SORCS2: variants seen among roughly 807,000 people sequenced by gnomAD.
SORCS2 encodes sortilin related VPS10 domain containing receptor 2.
Under a neutral mutation model 141.6 loss-of-function variants are expected in SORCS2, and 100 were observed. The ratio of observed to expected loss-of-function variants is 0.71; its 90% CI spans 0.60 to 0.83. The LOEUF (loss-of-function observed/expected upper bound fraction) is 0.83, where lower values mean the gene tolerates loss of function less well. SORCS2 is among the 40% of genes least tolerant of loss of function. The pLI, the probability that SORCS2 is intolerant of heterozygous loss-of-function variation, is 0.00. For synonymous variants in SORCS2, 789 were observed against 676.9 expected (o/e 1.17, Z -2.57); for missense variants, 1,646 against 1,560.2 (o/e 1.05, Z -0.93).
At chr4:7,666,078 T>C (rs547273751) in intron 7 of SORCS2, among the ~76,000 whole-genome samples, 23 of 152,002 alleles carry the variant, frequency 1.5e-4, no homozygotes, top group African/African-American at 5.5e-4. Context: ...CCTGCTAGGA[T>C]TGGGCATCTC....
intron 3 of SORCS2, among the ~76,000 whole-genome samples, chr4:7,578,692 A>G (rs775852615): frequency 6.6e-5 from 10 of 152,202 alleles, no homozygotes; most frequent in Non-Finnish European, 5.9e-5. Flanking sequence ...TTCCAGTTTC[A>G]TGACAGGCTT....
At chr4:7,675,808 C>T (rs1308827855) in intron 8 of SORCS2, among the ~76,000 whole-genome samples, 2 of 152,294 alleles carry the variant, frequency 1.3e-5, no homozygotes, top group East Asian at 1.9e-4. Flanking sequence ...CATAACCCGG[C>T]GTAGAGCATC....
chr4:7,416,746 A>C (rs1006625448), intron 2 of SORCS2, among the ~76,000 whole-genome samples: 2 of 151,168 alleles, frequency 1.3e-5, no homozygotes, highest in African/African-American at 2.4e-5. Flanking sequence ...ATGCACACAC[A>C]CTTGTGCGCA....
chr4:7,386,441 A>G (rs1193436697), intron 1 of SORCS2, among the ~76,000 whole-genome samples: 2 of 98,872 alleles, frequency 2.0e-5, no homozygotes, highest in East Asian at 3.4e-4. Flanking sequence ...ACAGGTACAC[A>G]GAGATACACA....
In SORCS2 at chr4:7,351,019, C is replaced by T. The variant is rs138955307; in HGVS notation, c.481-45269C>T. On this transcript the variant is annotated intron_variant, in intron 1 of 26. Transcript: ENST00000507866. ...GCTGTCGAAAGCTGGTGTTTACAAA[C>T]CAGGCTGCCCATATTGTCCCACTGT... Among the ~76,000 whole-genome samples, 704 of 152,286 alleles carry T rather than the reference C, an allele frequency of 4.6e-3. 4 individuals carry two copies. Among genetic ancestry groups the T allele is most frequent in the South Asian group, 0.017 (81 of 4,824 alleles).
At chr4:7,503,396 A>C (rs1006522585) in intron 2 of SORCS2, among the ~76,000 whole-genome samples, 1 of 152,220 alleles carries the variant, frequency 6.6e-6, no homozygotes, top group African/African-American at 2.4e-5. Flanking sequence ...CGTCTGCTAC[A>C]CACAGTCTTC....
intron 3 of SORCS2, among the ~76,000 whole-genome samples, chr4:7,577,296 G>T (rs1451672839): frequency 6.6e-6 from 1 of 152,202 alleles, no homozygotes; most frequent in Admixed American, 6.5e-5. Flanking sequence ...ACAGGTGAAG[G>T]CAGGTGGGTA....
At chr4:7,327,247 C>T (rs1024277824) in intron 1 of SORCS2, among the ~76,000 whole-genome samples, 6 of 152,190 alleles carry the variant, frequency 3.9e-5, no homozygotes, top group African/African-American at 1.2e-4. Flanking sequence ...ACTGGGCCTC[C>T]CAGGAGTCAG....
At chr4:7,264,170 C>T (rs1231370485) in intron 1 of SORCS2, among the ~76,000 whole-genome samples, 3 of 152,184 alleles carry the variant, frequency 2.0e-5, no homozygotes, top group Non-Finnish European at 4.4e-5. Flanking sequence ...TCCCTAAGTC[C>T]CCTGCCTAAG....
At chr4:7,226,912 TGCC>T (rs1472565566) in intron 1 of SORCS2, among the ~76,000 whole-genome samples, 2 of 152,232 alleles carry the variant, frequency 1.3e-5, no homozygotes, top group African/African-American at 4.8e-5. Context: ...AATTGAATGA[TGCC>T]TTGCTAGCAA....
chr4:7,513,417 G>C (rs955068489), intron 2 of SORCS2, among the ~76,000 whole-genome samples: 4 of 152,196 alleles, frequency 2.6e-5, no homozygotes, highest in African/African-American at 9.7e-5. Flanking sequence ...CAGGAGTGAG[G>C]GCTTGGCAGG....
intron 17 of SORCS2, among the ~76,000 whole-genome samples, chr4:7,717,229 C>T (rs903542314): frequency 6.6e-6 from 1 of 152,234 alleles, no homozygotes; most frequent in East Asian, 1.9e-4. Flanking sequence ...ACATGTTGTT[C>T]CCATGGCCTG....
chr4:7,697,080 GA>G (rs1335610982), intron 11 of SORCS2, 117 bp from the exon 12 acceptor site: 1 of 780,402 alleles, frequency 1.3e-6, no homozygotes, highest in African/African-American at 1.7e-5. Flanking sequence ...GTCTGTGGGG[GA>G]TATGGAGACC....
intron 2 of SORCS2, among the ~76,000 whole-genome samples, chr4:7,478,805 G>A (rs1366184994): frequency 2.0e-5 from 3 of 152,198 alleles, no homozygotes; most frequent in Non-Finnish European, 4.4e-5. Context: ...ACATGGCATA[G>A]GCACTCGGCC....
chr4:7,608,088 CT>C (rs1305655901), intron 3 of SORCS2, among the ~76,000 whole-genome samples: 1 of 152,160 alleles, frequency 6.6e-6, no homozygotes, highest in Non-Finnish European at 1.5e-5. Context: ...ATAGTCAGCA[CT>C]TAGTCCCTCT....
At position 7,459,367 on chromosome 4, in the gene SORCS2, C is replaced by G. The variant is rs565586198; in HGVS notation, c.548+63012C>G. On this transcript the variant is annotated intron_variant, in intron 2 of 26. Transcript: ENST00000507866. Reference sequence around the variant, plus strand: ...GGAGACATGAGGTGGGGGTCAGGCACAGAAAGGCGGTGGTGTTGAGGCTGC... The same window carrying G: ...GGAGACATGAGGTGGGGGTCAGGCAGAGAAAGGCGGTGGTGTTGAGGCTGC... Among the ~76,000 whole-genome samples, 42 of 152,250 alleles carry G rather than the reference C, an allele frequency of 2.8e-4. No homozygotes were observed. In the South Asian group the frequency reaches 3.9e-3, roughly 14 times the overall value.
intron 3 of SORCS2, among the ~76,000 whole-genome samples, chr4:7,615,805 C>T (rs928129740): frequency 1.3e-5 from 2 of 152,214 alleles, no homozygotes; most frequent in East Asian, 3.9e-4. Context: ...GCTGGCCTCA[C>T]AGCTGACCAG....
At chr4:7,245,244 T>G (rs1713003767) in intron 1 of SORCS2, among the ~76,000 whole-genome samples, 1 of 152,086 alleles carries the variant, frequency 6.6e-6, no homozygotes, top group Non-Finnish European at 1.5e-5. Flanking sequence ...TCTCTTTGGG[T>G]AGAAAACAGG....
At chr4:7,302,074 G>T (rs992963810) in intron 1 of SORCS2, among the ~76,000 whole-genome samples, 15 of 152,228 alleles carry the variant, frequency 9.9e-5, no homozygotes, top group African/African-American at 3.6e-4. Flanking sequence ...CTGCATCCCG[G>T]CTTGCCGGTC....
Sources: allele counts gnomAD v4.1 joint callset (sites outside exome capture counted in the v4.1 genomes callset), GRCh38; gene constraint gnomAD v4.1.1; transcripts MANE v1.5; gene names NCBI Gene and HGNC (gene_info 2026-07-23, HGNC 2026-07-21).